NEB: variants seen among roughly 807,000 people sequenced by gnomAD.
NEB encodes the protein nebulin.
Under a neutral mutation model 952.2 loss-of-function variants are expected in NEB, and 512 were observed. The ratio of observed to expected loss-of-function variants is 0.54; its 90% CI spans 0.50 to 0.58. The LOEUF (loss-of-function observed/expected upper bound fraction) is 0.58, where lower values mean the gene tolerates loss of function less well. NEB is among the 20% of genes least tolerant of loss of function. The pLI is 0.00. For missense variants in NEB, 8,428 were observed against 9,231.1 expected, an observed-to-expected ratio of 0.91 and a Z score of 3.56; for synonymous variants, 2,900 against 3,149.8, an observed-to-expected ratio of 0.92 and a Z score of 2.66.
At chr2:151,565,915 A>T in intron 114 of NEB, 95 bp from the exon 115 acceptor site, 1 of 744,394 alleles carries the variant, frequency 1.3e-6, no homozygotes, top group East Asian at 2.7e-5. Context: ...CTTTTAAAGG[A>T]TTTCTCTCTA....
At chr2:151,673,907 G>A (rs2099330865) in intron 36 of NEB, among the ~76,000 whole-genome samples, 2 of 151,496 alleles carry the variant, frequency 1.3e-5, no homozygotes, top group Non-Finnish European at 2.9e-5. Context: ...TCCTGACCTC[G>A]TGATCCGCTC....
intron 172 of NEB, among the ~76,000 whole-genome samples, chr2:151,496,645 T>TAAAC (rs1254055722): frequency 3.3e-5 from 5 of 152,132 alleles, no homozygotes; most frequent in African/African-American, 9.7e-5. Flanking sequence ...CGGTGCCTCC[T>TAAAC]AAACAATCAC....
intron 173 of NEB, 76 bp downstream of exon 173, chr2:151,496,200 T>C: frequency 7.2e-7 from 1 of 1,385,254 alleles, no homozygotes; most frequent in South Asian, 1.3e-5. Flanking sequence ...AAAAGTAGGA[T>C]TAATATGTAT....
In NEB at chr2:151,684,834, G is replaced by T. The variant is rs760246704; in HGVS notation, c.2779C>A (p.Pro927Thr). ...YKHILHSYSY[P>T]PDSINVDLAK... is the part of the protein sequence containing the mutation. ...AGGTCCACATTGATGCTATCAGGGG[G>T]GTAGCTGTAACTGTGTAAGATGTGC... Residue 927 changes from proline (P) to threonine (T), a missense_variant, in exon 28 of 182, where the codon CCC (proline) becomes ACC (threonine). By Grantham distance (38) the Pro-to-Thr change is conservative. This residue lies in a region of NEB where 2,851 missense variants were observed against 2,791.5 expected (regional missense o/e 1.02). Coordinates refer to ENST00000397345, the MANE Select transcript of NEB (RefSeq NM_001164508.2). The T allele has an allele frequency of 1.2e-6, 2 of 1,613,332 alleles. No homozygotes were observed. Among genetic ancestry groups the T allele is most frequent in the South Asian group, 2.2e-5 (2 of 90,906 alleles).
chr2:151,494,033 A>G (rs1470803697), intron 174 of NEB, 128 bp downstream of exon 174: 3 of 928,778 alleles, frequency 3.2e-6, no homozygotes, highest in African/African-American at 3.3e-5. Context: ...ATGTAGTGTG[A>G]TATTTAGAGC....
At chr2:151,490,203 GA>G in intron 180 of NEB, 126 bp from the exon 181 acceptor site, 1 of 1,179,370 alleles carries the variant, frequency 8.5e-7, no homozygotes, top group Non-Finnish European at 1.2e-6. Context: ...AGAAATCAAA[GA>G]AAATGAAACA....
intron 28 of NEB, among the ~76,000 whole-genome samples, chr2:151,684,158 T>C (rs1270316537): frequency 6.6e-6 from 1 of 152,194 alleles, no homozygotes; most frequent in Non-Finnish European, 1.5e-5. Flanking sequence ...AATGTTAATA[T>C]ACTTAACACC....
chr2:151,662,822 T>C (rs997433373), intron 45 of NEB, among the ~76,000 whole-genome samples: 6 of 152,206 alleles, frequency 3.9e-5, no homozygotes, highest in Non-Finnish European at 7.3e-5. Context: ...ACCTTCCTGG[T>C]ACTTTGTGTA....
At position 151,492,438 on chromosome 2, in the gene NEB, C is replaced by G. The variant is rs756711705; in HGVS notation, c.24822G>C (p.Leu8274Phe). ...TCACCCGTCTCATCTCGGGGGTATC[C>G]AATACATAGGCAGCTTTGCCTTGTA... The part of the protein sequence containing the change: ...KQIQGKAAYV[L>F]DTPEMRRVRE... The change falls in exon 177 of 182, where the codon TTG becomes TTC. Residue 8274 changes from leucine to phenylalanine, a missense_variant. Transcript: ENST00000397345. 4 of 1,613,170 alleles carry G rather than the reference C, an allele frequency of 2.5e-6. No homozygotes were observed. In the South Asian group the frequency reaches 4.4e-5, roughly 18 times the overall value.
In NEB at chr2:151,612,205, T is replaced by C; in HGVS notation, c.11786A>G (p.Asn3929Ser). 6.2e-7 allele frequency: 1 copy of C among 1,613,750 alleles called. No homozygotes were observed. Among genetic ancestry groups the C allele is most frequent in the Non-Finnish European group, 8.5e-7 (1 of 1,179,764 alleles). The change falls in exon 78 of 182, where the codon AAT becomes AGT. Residue 3929 changes from asparagine (N) to serine (S), a missense_variant. Transcript: ENST00000397345. ...ACTCACCTTGCTCATTGTCAGGGCA[T>C]TATTCTTTGCTAGGACAATTTCCGG... ...DTPEIVLAKN[N>S]ALTMSKHLYT... is the part of the protein sequence containing the mutation.
chr2:151,640,304 G>T, intron 61 of NEB, 51 bp downstream of exon 61: 3 of 1,590,550 alleles, frequency 1.9e-6, no homozygotes, highest in East Asian at 2.2e-5. Flanking sequence ...TCTCCAAGGG[G>T]TGTTAAATAA....
Position 151,677,611 on chromosome 2 carries a change from G to A in NEB, c.3728C>T (p.Ser1243Phe), listed in dbSNP as rs778686381. Residue 1243 changes from serine to phenylalanine, a missense_variant, in exon 34 of 182, where the codon TCC (serine) becomes TTC (phenylalanine). Physicochemically the swap from Ser to Phe is radical, Grantham distance 155. This residue lies in a region of NEB where 2,851 missense variants were observed against 2,791.5 expected (regional missense o/e 1.02). Coordinates refer to ENST00000397345, the MANE Select transcript of NEB (RefSeq NM_001164508.2). ...CTGTTTTGCCTGGACCATAACTGGG[G>A]AGTCCACAATGCTGGTAAATTTGAG... is the stretch of plus-strand genomic sequence containing the variant. Reference protein sequence around the residue: ...DTLKFTSIVDSPVMVQAKQNT... With the variant: ...DTLKFTSIVDFPVMVQAKQNT... 25 of 1,613,830 alleles carry A rather than the reference G, an allele frequency of 1.5e-5. No individual in the cohort carries two copies. The highest frequency in any genetic ancestry group is 1.9e-5 in the Non-Finnish European group (22 of 1,179,884).
chr2:151,583,440 C>T lies in NEB; in HGVS notation c.15975+15G>A, dbSNP rs2097156576. ...AAATACACATCTCCCCGGGGTCTGG[C>T]GATAATATACGCACATCGCTCTGCA... On this transcript the variant is annotated intron_variant, in intron 101 of 181. Transcript: ENST00000397345. 1 of 264,910 alleles carries T rather than the reference C, an allele frequency of 3.8e-6. No homozygotes were observed. Among genetic ancestry groups the T allele is most frequent in the South Asian group, 3.8e-5 (1 of 26,146 alleles). The allele number at this position is 264,910 out of a possible 1,614,324, so 16.4% of individuals were successfully genotyped here. A position where few individuals can be genotyped will look rare whatever the true frequency, so the allele number is the denominator to read the frequency against.
chr2:151,731,954 G>A (rs924624606), intron 3 of NEB, among the ~76,000 whole-genome samples: 6 of 152,126 alleles, frequency 3.9e-5, no homozygotes, highest in African/African-American at 1.2e-4. Flanking sequence ...TACATTGTAC[G>A]AGATTCATTC....
At chr2:151,644,681 T>C in intron 55 of NEB, 106 bp from the exon 56 acceptor site, 1 of 888,956 alleles carries the variant, frequency 1.1e-6, no homozygotes, top group Non-Finnish European at 1.8e-6. Context: ...ATAGCATCTG[T>C]GCCCTAAAAT....
chr2:151,666,487 C>T (rs1158004192), intron 40 of NEB, 86 bp from the exon 41 acceptor site: 2 of 1,306,402 alleles, frequency 1.5e-6, no homozygotes, highest in African/African-American at 3.0e-5. Flanking sequence ...AAGCAAAAGC[C>T]AACTTCAGTC....
Position 151,677,881 on chromosome 2 carries a change from T to A in NEB, c.3562A>T (p.Ser1188Cys). Residue 1188 changes from serine (S) to cysteine (C), a missense_variant, in exon 33 of 182, where the codon AGT becomes TGT. By Grantham distance (112) the Ser-to-Cys change is moderately radical. Transcript: ENST00000397345. ...GAGAAGTAAATGACACTTACATCACTCTGTATCTGCATCATGTTCTTAGAC... is the reference window on the plus strand; with the variant it reads ...GAGAAGTAAATGACACTTACATCACACTGTATCTGCATCATGTTCTTAGAC... ...ELSKNMMQIQ[S>C]DNVYKEDYNN... 1 of 1,609,776 alleles carries A rather than the reference T, an allele frequency of 6.2e-7. No individual in the cohort carries two copies. Among genetic ancestry groups the A allele is most frequent in the Non-Finnish European group, 8.5e-7 (1 of 1,177,306 alleles).
Position 151,691,921 on chromosome 2 carries a change from G to A in NEB, c.2154C>T (p.Phe718=), listed in dbSNP as rs1165258877. ...CATATTCTTGTGTTATTGTCTGAGGGAAATAGCATTTTCCTTTATCTTCTT... is the reference window on the plus strand; with the variant it reads ...CATATTCTTGTGTTATTGTCTGAGGAAAATAGCATTTTCCTTTATCTTCTT... ...EYEEDKGKCY[F]PQTITQEYEA... Residue 718 remains phenylalanine (F), a synonymous_variant, in exon 23 of 182, where the codon TTC becomes TTT. Transcript: ENST00000397345. 5.6e-6 allele frequency: 9 copies of A among 1,608,236 alleles called. No individual in the cohort carries two copies. The highest frequency in any genetic ancestry group is 1.6e-4 in the Middle Eastern group (1 of 6,076).
chr2:151,656,293 T>C lies in NEB; in HGVS notation c.6355A>G (p.Met2119Val), dbSNP rs2099085032. The C allele has an allele frequency of 5.6e-6, 9 of 1,613,612 alleles. No individual in the cohort carries two copies. Among genetic ancestry groups the C allele is most frequent in the Non-Finnish European group, 7.6e-6 (9 of 1,179,744 alleles). The part of the protein sequence containing the change: ...TKTSYHTPAD[M>V]LSVTAAKDAQ... ...TCCTTTGCAGCCGTGACACTGAGCA[T>C]GTCGGCAGGGGTGTGGTAGCTGGTC... is the stretch of plus-strand genomic sequence containing the variant. The change falls in exon 49 of 182, where the codon ATG becomes GTG. Residue 2119 changes from methionine to valine, a missense_variant. By Grantham distance (21) the Met-to-Val change is conservative. This residue lies in a region of NEB where 2,851 missense variants were observed against 2,791.5 expected (regional missense o/e 1.02). Coordinates refer to ENST00000397345, the MANE Select transcript of NEB (RefSeq NM_001164508.2).
Sources: gnomAD v4.1 joint callset for allele counts (sites outside exome capture counted in the v4.1 genomes callset) on GRCh38, gnomAD v4.1.1 for gene constraint, gnomAD v4.1.1 regional missense constraint, MANE v1.5 for transcripts, NCBI Gene and HGNC (gene_info 2026-07-23, HGNC 2026-07-21) for gene names.